The following NRXN1 variants were observed in gnomAD, a reference collection of about 807,000 sequenced individuals.
NRXN1 encodes the protein neurexin 1, also known as neurexin-1.
A neutral mutation model predicts 150.9 loss-of-function variants in NRXN1; 39 were observed. That is an observed-to-expected ratio of 0.26 (90% CI 0.20 to 0.34). The LOEUF is 0.34. NRXN1 is among the 10% of genes least tolerant of loss of function. The pLI is 1.00. For synonymous variants in NRXN1, 924 were observed against 757.0 expected, an observed-to-expected ratio of 1.22 and a Z score of -3.62; for missense variants, 1,815 against 1,949.9, an observed-to-expected ratio of 0.93 and a Z score of 1.30.
chr2:50,815,464 A>T (rs980473005), intron 5 of NRXN1, among the ~76,000 whole-genome samples: 51 of 152,296 alleles, frequency 3.3e-4, no homozygotes, highest in African/African-American at 1.2e-3. Flanking sequence ...TATTTCAAGC[A>T]TTGGGTCATT....
At position 50,531,305 on chromosome 2, in the gene NRXN1, C is replaced by T. The variant is rs2093099651; in HGVS notation, c.2269G>A (p.Ala757Thr). 2 of 1,613,608 alleles carry T rather than the reference C, an allele frequency of 1.2e-6. No homozygotes were observed. Among genetic ancestry groups the T allele is most frequent in the African/African-American group, 1.3e-5 (1 of 75,030 alleles). The stretch of plus-strand genomic sequence containing the variant: ...TCAGCAGAGTCTCTAGAAGTGGTTG[C>T]CATCAGAATGCCATATGCACGCTGG... ...RSQRAYGILM[A>T]TTSRDSADTL... is the part of the protein sequence containing the mutation. Residue 757 changes from alanine to threonine, a missense_variant, in exon 11 of 23, where the codon GCA (alanine) becomes ACA (threonine). Around this residue, in one of 6 missense-constraint regions of NRXN1, gnomAD observed 638 missense variants for 652.6 expected, o/e 0.98. Transcript: ENST00000401669.
chr2:50,064,316 A>G (rs959677732), intron 19 of NRXN1, among the ~76,000 whole-genome samples: 1 of 152,058 alleles, frequency 6.6e-6, no homozygotes, highest in Non-Finnish European at 1.5e-5. Flanking sequence ...ACACAATAGG[A>G]CAAATCTTTT....
intron 8 of NRXN1, among the ~76,000 whole-genome samples, chr2:50,562,016 A>T (rs749107843): frequency 6.6e-6 from 1 of 152,286 alleles, no homozygotes; most frequent in Non-Finnish European, 1.5e-5. Flanking sequence ...AAAACTTTTC[A>T]ATCTCCTGCT....
At chr2:50,348,200 A>T (rs1575175443) in intron 17 of NRXN1, among the ~76,000 whole-genome samples, 1 of 152,188 alleles carries the variant, frequency 6.6e-6, no homozygotes, top group East Asian at 1.9e-4. Flanking sequence ...ATGATCTGTT[A>T]ATCACATATG....
At chr2:50,492,836 A>G (rs766064738) in intron 15 of NRXN1, among the ~76,000 whole-genome samples, 1 of 152,240 alleles carries the variant, frequency 6.6e-6, no homozygotes, top group Non-Finnish European at 1.5e-5. Context: ...TTTAAAAGTG[A>G]GTTAAATTTG....
intron 18 of NRXN1, among the ~76,000 whole-genome samples, chr2:50,169,077 G>A (rs2059858998): frequency 6.6e-6 from 1 of 152,178 alleles, no homozygotes; most frequent in African/African-American, 2.4e-5. Flanking sequence ...TATTGAGCAA[G>A]TACTCTGGGC....
chr2:50,240,522 A>G (rs2065913285), intron 17 of NRXN1, among the ~76,000 whole-genome samples: 1 of 151,652 alleles, frequency 6.6e-6, no homozygotes, highest in Non-Finnish European at 1.5e-5. Flanking sequence ...CTCATAATCA[A>G]ATATAGTGGG....
chr2:50,104,425 A>G (rs947286371), intron 18 of NRXN1, among the ~76,000 whole-genome samples: 2 of 152,044 alleles, frequency 1.3e-5, no homozygotes, highest in Non-Finnish European at 2.9e-5. Flanking sequence ...TGAGAGATTA[A>G]TCAGAAACAT....
chr2:50,143,304 TG>T (rs915876119), intron 18 of NRXN1, among the ~76,000 whole-genome samples: 1 of 151,936 alleles, frequency 6.6e-6, no homozygotes, highest in African/African-American at 2.4e-5. Context: ...ATCTCATTAA[TG>T]GGTACAGCTC....
chr2:50,512,150 G>A (rs77044079), intron 12 of NRXN1, among the ~76,000 whole-genome samples: 4,462 of 151,944 alleles, frequency 0.029, 224 homozygotes, highest in African/African-American at 0.1. Context: ...ACTACCTCGC[G>A]GCTACATGAA....
intron 18 of NRXN1, among the ~76,000 whole-genome samples, chr2:50,170,740 G>GTC (rs1472862279): frequency 2.7e-5 from 4 of 149,650 alleles, no homozygotes; most frequent in African/African-American, 7.5e-5. Flanking sequence ...GGGACATTGA[G>GTC]TCTCTCTCTG....
At chr2:50,358,037 T>C (rs6727675) in intron 17 of NRXN1, among the ~76,000 whole-genome samples, 20,317 of 152,036 alleles carry the variant, frequency 0.13, 2,041 homozygotes, top group East Asian at 0.37. Flanking sequence ...TGAGGGATGG[T>C]GCTATCCAGC....
intron 18 of NRXN1, among the ~76,000 whole-genome samples, chr2:50,159,122 A>C (rs1442429539): frequency 6.6e-6 from 1 of 152,060 alleles, no homozygotes. Flanking sequence ...CCAATATTCT[A>C]TATACTTTTG....
intron 18 of NRXN1, among the ~76,000 whole-genome samples, chr2:50,224,569 T>C (rs145872686): frequency 2.0e-5 from 3 of 151,842 alleles, no homozygotes; most frequent in African/African-American, 7.2e-5. Context: ...TCCAAACATT[T>C]AATATATATT....
intron 19 of NRXN1, among the ~76,000 whole-genome samples, chr2:50,072,702 G>A (rs1696480251): frequency 6.6e-6 from 1 of 151,232 alleles, no homozygotes; most frequent in Non-Finnish European, 1.5e-5. Flanking sequence ...TTTTTCTTTG[G>A]TGCTTATCAC....
chr2:50,076,528 T>A (rs988184885), intron 19 of NRXN1, among the ~76,000 whole-genome samples: 1 of 152,184 alleles, frequency 6.6e-6, no homozygotes, highest in African/African-American at 2.4e-5. Context: ...AAAATGAGAT[T>A]AAAGAACTTG....
At chr2:50,191,031 C>T (rs1329672055) in intron 18 of NRXN1, among the ~76,000 whole-genome samples, 1 of 151,348 alleles carries the variant, frequency 6.6e-6, no homozygotes, top group African/African-American at 2.4e-5. Context: ...GTGTCCTTCA[C>T]TCAGTTTCTT....
chr2:50,034,121 A>T (rs967337759), intron 21 of NRXN1, among the ~76,000 whole-genome samples: 2 of 152,124 alleles, frequency 1.3e-5, no homozygotes, highest in Non-Finnish European at 2.9e-5. Context: ...CTACCATTTT[A>T]CCCAGCAATC....
chr2:50,862,990 G>C (rs933175283), intron 5 of NRXN1, among the ~76,000 whole-genome samples: 1 of 151,988 alleles, frequency 6.6e-6, no homozygotes, highest in Non-Finnish European at 1.5e-5. Flanking sequence ...ATGTGATATA[G>C]TTGAGCATTT....
Sources: gnomAD v4.1 joint callset for allele counts (sites outside exome capture counted in the v4.1 genomes callset) on GRCh38, gnomAD v4.1.1 for gene constraint, gnomAD v4.1.1 regional missense constraint, MANE v1.5 for transcripts, NCBI Gene and HGNC (gene_info 2026-07-23, HGNC 2026-07-21) for gene names.